The following INTS6 variants were observed in gnomAD, a reference collection of about 807,000 sequenced individuals.
The protein encoded by INTS6 is integrator complex subunit 6, also known as DEAD box protein.
Under a neutral mutation model 104.9 loss-of-function variants are expected in INTS6, and 16 were observed. That is an observed-to-expected ratio of 0.15 (90% CI 0.10 to 0.23). INTS6 has a LOEUF of 0.23. Among genes scored for constraint, INTS6 ranks in the 10% least tolerant of loss-of-function variants. INTS6 has a pLI of 1.00. For missense variants in INTS6, 584 were observed against 1,062.8 expected (o/e 0.55, Z 6.26); for synonymous variants, 324 against 358.7 (o/e 0.90, Z 1.09).
chr13:51,415,248 A>G (rs1191045393), intron 4 of INTS6, among the ~76,000 whole-genome samples: 1 of 152,126 alleles, frequency 6.6e-6, no homozygotes, highest in East Asian at 1.9e-4. Context: ...TGATTGTACT[A>G]TGAGCTCCAG....
At chr13:51,434,393 T>C (rs929292312) in intron 3 of INTS6, among the ~76,000 whole-genome samples, 2 of 152,112 alleles carry the variant, frequency 1.3e-5, no homozygotes, top group Non-Finnish European at 2.9e-5. Flanking sequence ...TTAGTGACTT[T>C]AAATTTTGGA....
chr13:51,344,628 G>C, the INTS6 span: 2 of 669,462 alleles, frequency 3.0e-6, no homozygotes, highest in Non-Finnish European at 5.2e-6. Context: ...TCCTACCCTT[G>C]AATGACAAGG....
intron 4 of INTS6, among the ~76,000 whole-genome samples, chr13:51,429,618 G>A (rs1273943451): frequency 6.6e-6 from 1 of 151,444 alleles, no homozygotes; most frequent in African/African-American, 2.4e-5. Context: ...ACAAAAATTA[G>A]CCAGACATGG....
At chr13:51,370,703 G>C (rs1158285639) in intron 15 of INTS6, among the ~76,000 whole-genome samples, 2 of 152,128 alleles carry the variant, frequency 1.3e-5, no homozygotes, top group African/African-American at 2.4e-5. Context: ...AATGGCAACT[G>C]CTTGCAAAAA....
downstream of INTS6, among the ~76,000 whole-genome samples, chr13:51,353,248 A>C (rs962550098): frequency 2.0e-5 from 3 of 152,202 alleles, no homozygotes; most frequent in Non-Finnish European, 4.4e-5. Flanking sequence ...TACCCACCAT[A>C]ATCATATTTA....
chr13:51,443,471 T>A (rs1208321655), intron 3 of INTS6: 3 of 152,196 alleles, frequency 2.0e-5, no homozygotes, highest in African/African-American at 4.8e-5. Flanking sequence ...CAAAATTTTT[T>A]AAAAATTTAG....
the INTS6 span, chr13:51,348,246 G>C: frequency 6.9e-6 from 11 of 1,602,514 alleles, no homozygotes; most frequent in South Asian, 1.2e-4. Flanking sequence ...CATCAGGTGG[G>C]GGTGCTGGAG....
intron 4 of INTS6, among the ~76,000 whole-genome samples, chr13:51,426,606 T>C (rs1258908448): frequency 1.3e-5 from 2 of 152,108 alleles, no homozygotes; most frequent in Non-Finnish European, 2.9e-5. Flanking sequence ...CATAAAACCA[T>C]TTAATAGGTG....
At chr13:51,336,914 G>A in the INTS6 span, among the ~76,000 whole-genome samples, 1 of 152,218 alleles carries the variant, frequency 6.6e-6, no homozygotes, top group African/African-American at 2.4e-5. Flanking sequence ...AGTACCAGAG[G>A]GCCGTGTTGC....
chr13:51,450,881 G>C (rs1953028442), intron 3 of INTS6, 144 bp downstream of exon 3: 1 of 1,288,550 alleles, frequency 7.8e-7, no homozygotes, highest in Non-Finnish European at 9.9e-7. Context: ...TAGGGTAAGA[G>C]TTTTGCCTTT....
At chr13:51,433,175 G>T (rs1295216156) in intron 3 of INTS6, among the ~76,000 whole-genome samples, 1 of 152,198 alleles carries the variant, frequency 6.6e-6, no homozygotes, top group Admixed American at 6.5e-5. Flanking sequence ...TGGGAGTGGT[G>T]GCTCATGCCT....
the INTS6 span, among the ~76,000 whole-genome samples, chr13:51,345,962 G>A: frequency 6.6e-6 from 1 of 152,174 alleles, no homozygotes; most frequent in South Asian, 2.1e-4. Context: ...CTATTTCAAT[G>A]CAATCCACAT....
intron 7 of INTS6, 66 bp downstream of exon 7, chr13:51,387,320 A>T (rs1399322942): frequency 7.1e-7 from 1 of 1,403,432 alleles, no homozygotes; most frequent in Non-Finnish European, 9.6e-7. Context: ...TGACAACAGA[A>T]TTTGAAACTA....
intron 3 of INTS6, chr13:51,448,851 A>G (rs1026834503): frequency 3.3e-5 from 5 of 152,214 alleles, no homozygotes; most frequent in Admixed American, 1.3e-4. Context: ...ATAGAGCAGG[A>G]AAGGGGAAAT....
intron 4 of INTS6, among the ~76,000 whole-genome samples, chr13:51,426,698 T>C (rs1367668265): frequency 6.6e-6 from 1 of 152,074 alleles, no homozygotes; most frequent in Non-Finnish European, 1.5e-5. Flanking sequence ...TGCCTAGAAA[T>C]GCTCTGGTCA....
In INTS6 at chr13:51,383,717, C is replaced by T; in HGVS notation, c.919G>A (p.Val307Met). The change falls in exon 8 of 18, where the codon GTG becomes ATG. Residue 307 changes from valine to methionine, a missense_variant. Physicochemically the swap from Val to Met is conservative, Grantham distance 21. Transcript: ENST00000311234. ...TLPPRTSHPV[V>M]KFSCTDCEPM... ...TCACAGTCTGTACAGGAAAACTTCA[C>T]TACAGGATGAGATGTACGAGGTGGC... The T allele has an allele frequency of 6.2e-7, 1 of 1,613,054 alleles. No homozygotes were observed. Among genetic ancestry groups the T allele is most frequent in the Non-Finnish European group, 8.5e-7 (1 of 1,179,460 alleles).
chr13:51,361,787 G>T lies in INTS6; in HGVS notation c.*3965C>A. On this transcript the variant is annotated 3_prime_UTR_variant, in exon 18 of 18. Transcript: ENST00000311234. ...TTAAAAATGCACAGAAAATGCAATG[G>T]AATTTTTCTTTCTTTCCTGCAGCTC... is the stretch of plus-strand genomic sequence containing the variant. 6.4e-7 allele frequency: 1 copy of T among 1,567,456 alleles called. No homozygotes were observed. The highest frequency in any genetic ancestry group is 1.2e-5 in the South Asian group (1 of 83,676).
intron 5 of INTS6, among the ~76,000 whole-genome samples, chr13:51,391,326 CAATT>C (rs1956243413): frequency 6.6e-6 from 1 of 151,880 alleles, no homozygotes; most frequent in Non-Finnish European, 1.5e-5. Context: ...GTTGTGTCAT[CAATT>C]AAGAAAACAT....
At chr13:51,383,295 C>T in intron 9 of INTS6, 34 bp downstream of exon 9, 2 of 1,559,386 alleles carry the variant, frequency 1.3e-6, no homozygotes, top group Non-Finnish European at 8.7e-7. Context: ...CTTTTATATG[C>T]TAAGCCAAGG....
Sources: gnomAD v4.1 joint callset for allele counts (sites outside exome capture counted in the v4.1 genomes callset) on GRCh38, gnomAD v4.1.1 for gene constraint, MANE v1.5 for transcripts, NCBI Gene and HGNC (gene_info 2026-07-23, HGNC 2026-07-21) for gene names.